Variants in ARHGEF1 observed in about 807,000 individuals in gnomAD.
The protein encoded by ARHGEF1 is Rho guanine nucleotide exchange factor 1, also known as 115 kDa guanine nucleotide exchange factor.
ARHGEF1 carries 40 observed loss-of-function variants against 119.7 expected under a neutral mutation model. The ratio of observed to expected loss-of-function variants is 0.33; its 90% CI spans 0.26 to 0.44. The LOEUF (loss-of-function observed/expected upper bound fraction) is 0.44, where lower values mean the gene tolerates loss of function less well. Ranked by LOEUF, ARHGEF1 falls within the 20% of genes least tolerant of loss-of-function variation. The pLI is 1.00. For missense variants in ARHGEF1, 976 were observed against 1,268.3 expected (o/e 0.77, Z 3.50); for synonymous variants, 494 against 521.0 (o/e 0.95, Z 0.71).
Position 41,903,868 on chromosome 19 carries a change from C to T in ARHGEF1, c.1917+84C>T. 6.8e-7 allele frequency: 1 copy of T among 1,472,770 alleles called. No homozygotes were observed. The allele number at this position is 1,472,770 out of a possible 1,614,324, so 91.2% of individuals were successfully genotyped here. ...TGATACAGCCCCCAGCCTGTCCTGC[C>T]CATCCCATAATACACCCAGGAAGCG... On this transcript the variant is annotated intron_variant, in intron 20 of 28. Transcript: ENST00000354532. This position sits in a 1 kb window ranked among gnomAD's most constrained non-coding sequence, Gnocchi z 4.2.
Position 41,892,041 on chromosome 19 carries a change from C to T in ARHGEF1, c.242C>T (p.Ala81Val). The change falls in exon 5 of 29, where the codon GCC (alanine) becomes GTC (valine). Residue 81 changes from alanine to valine, a missense_variant. This residue lies in a region of ARHGEF1 where 519 missense variants were observed against 580.9 expected (regional missense o/e 0.89). Coordinates refer to ENST00000354532, the MANE Select transcript of ARHGEF1 (RefSeq NM_004706.4). The surrounding 1 kb of genome is among the most constrained non-coding windows in gnomAD (Gnocchi z 6.3). ...EPGPLLCCLHADMLGSLGPKE... is the reference protein window; with the variant it reads ...EPGPLLCCLHVDMLGSLGPKE... ...CTCCCCCAGCTTTGCTGTCTGCATG[C>T]CGACATGCTGGGCTCACTGGGCCCC... The T allele has an allele frequency of 6.2e-7, 1 of 1,609,520 alleles. No homozygotes were observed.
Position 41,916,554 on chromosome 19 carries a change from A to G in ARHGEF1, c.1866-6538A>G, listed in dbSNP as rs1428854867. Among the ~76,000 whole-genome samples the G allele has an allele frequency of 1.3e-5, 2 of 152,088 alleles. No individual in the cohort carries two copies. Among genetic ancestry groups the G allele is most frequent in the Non-Finnish European group, 2.9e-5 (2 of 68,030 alleles). ...ATCACAAATCCTAGACACACTGTGTAAACACATAATCACACACTGAGGCTC... is the reference window on the plus strand; with the variant it reads ...ATCACAAATCCTAGACACACTGTGTGAACACATAATCACACACTGAGGCTC... On this transcript the variant is annotated intron_variant, in intron 18 of 20. Transcript: ENST00000599589. The surrounding 1 kb of genome is among the most constrained non-coding windows in gnomAD (Gnocchi z 5.4).
In ARHGEF1 at chr19:41,892,236, G is replaced by A; in HGVS notation, c.325-95G>A. ...CAGCTGCTGACCCAGGCCTTCCCCA[G>A]CACCCTCGCTTAGACCAGGGTTCCT... On this transcript the variant is annotated intron_variant, in intron 5 of 28. Coordinates refer to ENST00000354532, the MANE Select transcript of ARHGEF1 (RefSeq NM_004706.4). This position sits in a 1 kb window ranked among gnomAD's most constrained non-coding sequence, Gnocchi z 6.3. 7.0e-6 allele frequency: 11 copies of A among 1,579,300 alleles called. No individual in the cohort carries two copies. Among genetic ancestry groups the A allele is most frequent in the Non-Finnish European group, 9.5e-6 (11 of 1,152,670 alleles).
chr19:41,920,118 C>G (rs1178592437), upstream of ARHGEF1, among the ~76,000 whole-genome samples: 1 of 117,318 alleles, frequency 8.5e-6, no homozygotes, highest in Non-Finnish European at 1.7e-5. Context: ...ACAGACATGA[C>G]ACGCTCACAC....
At chr19:41,901,275 G>A (rs1221020182) in intron 14 of ARHGEF1, among the ~76,000 whole-genome samples, 12 of 151,146 alleles carry the variant, frequency 7.9e-5, no homozygotes, top group Non-Finnish European at 1.8e-4. Context: ...TCAGCCTCCC[G>A]AGTAGCTGGG....
chr19:41,895,507 G>A, intron 12 of ARHGEF1, 21 bp downstream of exon 12: 1 of 1,574,440 alleles, frequency 6.4e-7, no homozygotes, highest in South Asian at 1.1e-5. Flanking sequence ...CCTGGGCCAG[G>A]GCTCCATGAG....
Position 41,906,096 on chromosome 19 carries a change from T to C in ARHGEF1, c.2491+71T>C, listed in dbSNP as rs1456461199. On this transcript the variant is annotated intron_variant, in intron 26 of 28. Coordinates refer to ENST00000354532, the MANE Select transcript of ARHGEF1 (RefSeq NM_004706.4). The surrounding 1 kb of genome is among the most constrained non-coding windows in gnomAD (Gnocchi z 4.5). Reference sequence around the variant, plus strand: ...GCCTCTGTTCCAACTAGAACAAGGCTCTCCACGTCAAAAATTTCCTTACGC... The same window carrying C: ...GCCTCTGTTCCAACTAGAACAAGGCCCTCCACGTCAAAAATTTCCTTACGC... 4 of 1,430,234 alleles carry C rather than the reference T, an allele frequency of 2.8e-6. No homozygotes were observed. Among genetic ancestry groups the C allele is most frequent in the Non-Finnish European group, 2.9e-6 (3 of 1,026,128 alleles). The allele number at this position is 1,430,234 out of a possible 1,614,324, so 88.6% of individuals were successfully genotyped here. A position where few individuals can be genotyped will look rare whatever the true frequency, so the allele number is the denominator to read the frequency against.
At chr19:41,908,963 T>C (rs1385595484), downstream of ARHGEF1, 2 of 765,090 alleles carry the variant, frequency 2.6e-6, no homozygotes, top group East Asian at 3.4e-5. This position sits in a 1 kb window ranked among gnomAD's most constrained non-coding sequence, Gnocchi z 6.7. Flanking sequence ...CTGGGCCCCC[T>C]TCCCCATCTC....
intron 18 of ARHGEF1, among the ~76,000 whole-genome samples, chr19:41,913,770 G>C: frequency 1.2e-5 from 1 of 83,270 alleles, no homozygotes; most frequent in Non-Finnish European, 2.4e-5. Flanking sequence ...CAGTCTCCCC[G>C]CACCTTTCCC....
intron 18 of ARHGEF1, among the ~76,000 whole-genome samples, chr19:41,913,144 C>T (rs1203586818): frequency 6.6e-6 from 1 of 152,040 alleles, no homozygotes; most frequent in Admixed American, 6.6e-5. Flanking sequence ...CCTTCCCTCC[C>T]AGCCTCTCCT....
intron 14 of ARHGEF1, among the ~76,000 whole-genome samples, chr19:41,901,132 T>G (rs1444815595): frequency 3.5e-5 from 5 of 141,396 alleles, no homozygotes; most frequent in South Asian, 4.5e-4. Context: ...ACCCGGAGAG[T>G]TTTTTTTTTT....
chr19:41,886,663 G>C (rs1372184647), intron 1 of ARHGEF1, among the ~76,000 whole-genome samples: 3 of 152,260 alleles, frequency 2.0e-5, no homozygotes, highest in Non-Finnish European at 4.4e-5. Context: ...AATACACTTT[G>C]TGGGAAATAA....
intron 13 of ARHGEF1, chr19:41,896,822 C>T: frequency 2.7e-6 from 1 of 375,910 alleles, no homozygotes; most frequent in South Asian, 1.8e-5. Context: ...TCCTCTCTCA[C>T]CTCCCCCATC....
chr19:41,926,377 G>T (rs553461063), intron 1 of ARHGEF1, among the ~76,000 whole-genome samples: 2 of 152,268 alleles, frequency 1.3e-5, no homozygotes, highest in East Asian at 3.9e-4. Flanking sequence ...GGAGATAGAT[G>T]TTACCTGGAA....
chr19:41,899,801 T>A (rs1261365903), intron 14 of ARHGEF1, among the ~76,000 whole-genome samples: 1 of 151,740 alleles, frequency 6.6e-6, no homozygotes, highest in Non-Finnish European at 1.5e-5. Context: ...AAGAGAAAGG[T>A]TTGGGACTTG....
intron 13 of ARHGEF1, chr19:41,897,914 T>C: frequency 7.8e-7 from 1 of 1,287,204 alleles, no homozygotes; most frequent in Non-Finnish European, 9.8e-7. Context: ...CCCCGGCATC[T>C]GCCTGACTCT....
At chr19:41,909,939 C>T (rs371459833), downstream of ARHGEF1, 31 of 1,613,834 alleles carry the variant, frequency 1.9e-5, no homozygotes, top group Middle Eastern at 1.7e-4. The surrounding 1 kb of genome is among the most constrained non-coding windows in gnomAD (Gnocchi z 5.2). Flanking sequence ...GCCACCTCAT[C>T]GGGGTCTTTG....
rs1555849794 is a variant in ARHGEF1, at chr19:41,904,917, G to A, written c.2162-32G>A. ...AGGGGCAGGCACTGGGGGGACCTGG[G>A]CTCTGAGCCCCATCTCCCCCTCTCC... On this transcript the variant is annotated intron_variant, in intron 22 of 28. Transcript: ENST00000354532. The surrounding 1 kb of genome is among the most constrained non-coding windows in gnomAD (Gnocchi z 8.4). The A allele has an allele frequency of 6.3e-7, 1 of 1,589,754 alleles. No homozygotes were observed. Among genetic ancestry groups the A allele is most frequent in the Admixed American group, 1.7e-5 (1 of 59,986 alleles).
At position 41,889,763 on chromosome 19, in the gene ARHGEF1, A is replaced by T. The variant is rs1031196882; in HGVS notation, c.225+898A>T. 3 of 152,278 alleles carry T rather than the reference A, an allele frequency of 2.0e-5. No homozygotes were observed. Among genetic ancestry groups the T allele is most frequent in the Non-Finnish European group, 4.4e-5 (3 of 68,052 alleles). The allele number at this position is 152,278 out of a possible 1,614,324, so 9.4% of individuals were successfully genotyped here. ...CTGGTCATCCGGACGCCAAACCATC[A>T]GATATGCAGAAAATTAGGAAATTGC... On this transcript the variant is annotated intron_variant, in intron 4 of 28. Transcript: ENST00000354532. The surrounding 1 kb of genome is among the most constrained non-coding windows in gnomAD (Gnocchi z 4.0).
Sources: gnomAD v4.1 joint callset for allele counts (sites outside exome capture counted in the v4.1 genomes callset) on GRCh38, gnomAD v4.1.1 for gene constraint, gnomAD v4.1.1 regional missense constraint, Gnocchi (gnomAD v3.1) non-coding constraint, MANE v1.5 for transcripts, NCBI Gene and HGNC (gene_info 2026-07-23, HGNC 2026-07-21) for gene names.